Variants in LYPLAL1 observed in about 807,000 individuals in gnomAD.
The protein encoded by LYPLAL1 is lysophospholipase-like protein 1.
LYPLAL1 carries 23 observed loss-of-function variants against 19.7 expected under a neutral mutation model. The ratio of observed to expected loss-of-function variants is 1.17; its 90% CI spans 0.84 to 1.65. The LOEUF (loss-of-function observed/expected upper bound fraction) is 1.65. Ranked by LOEUF, LYPLAL1 falls within the 40% of genes most tolerant of loss-of-function variation. The pLI is 0.00. For synonymous variants in LYPLAL1, 119 were observed against 96.3 expected, an observed-to-expected ratio of 1.24 and a Z score of -1.38; for missense variants, 355 against 279.4, an observed-to-expected ratio of 1.27 and a Z score of -1.93.
At chr1:219,441,750 C>T in the LYPLAL1 span, among the ~76,000 whole-genome samples, 1 of 152,146 alleles carries the variant, frequency 6.6e-6, no homozygotes, top group Admixed American at 6.6e-5. Context: ...GAGCCACTGC[C>T]AGAGAGCACA....
the LYPLAL1 span, among the ~76,000 whole-genome samples, chr1:219,245,206 TTCCTTCCTTCCTTCCTTC>T: frequency 3.1e-4 from 47 of 149,536 alleles, no homozygotes; most frequent in Non-Finnish European, 6.2e-4. Context: ...CCTTCCTTCC[TTCCTTCCTTCCTTCCTTC>T]CTTCCTTCCT....
chr1:219,184,102 G>T (rs1656521185), intron 2 of LYPLAL1, among the ~76,000 whole-genome samples: 1 of 151,746 alleles, frequency 6.6e-6, no homozygotes, highest in African/African-American at 2.4e-5. Context: ...ACACCTGTTT[G>T]GATTTTGATT....
chr1:219,310,566 C>G, the LYPLAL1 span, among the ~76,000 whole-genome samples: 2 of 152,194 alleles, frequency 1.3e-5, no homozygotes, highest in African/African-American at 4.8e-5. Context: ...CCTTATCTCA[C>G]TTTGTCTAAG....
At chr1:219,242,688 A>G in the LYPLAL1 span, among the ~76,000 whole-genome samples, 27 of 151,638 alleles carry the variant, frequency 1.8e-4, no homozygotes, top group African/African-American at 6.5e-4. Context: ...AAGAATTACT[A>G]AAGAAAATAG....
chr1:219,310,500 AG>A, the LYPLAL1 span, among the ~76,000 whole-genome samples: 1 of 152,224 alleles, frequency 6.6e-6, no homozygotes, highest in East Asian at 1.9e-4. Flanking sequence ...CAAAAGATCA[AG>A]GCCTGTGAGT....
the LYPLAL1 span, among the ~76,000 whole-genome samples, chr1:219,366,824 C>G: frequency 2.0e-5 from 3 of 151,984 alleles, no homozygotes; most frequent in Non-Finnish European, 2.9e-5. Context: ...GTCCACTGCT[C>G]CACCACTGCG....
the LYPLAL1 span, among the ~76,000 whole-genome samples, chr1:219,337,557 G>A: frequency 6.6e-6 from 1 of 151,944 alleles, no homozygotes; most frequent in Non-Finnish European, 1.5e-5. Flanking sequence ...GCTATGGGCT[G>A]GTGTACTTCA....
At chr1:219,345,300 A>G in the LYPLAL1 span, among the ~76,000 whole-genome samples, 5 of 152,208 alleles carry the variant, frequency 3.3e-5, no homozygotes, top group African/African-American at 4.8e-5. Context: ...ACTTCCACAG[A>G]GTAGATGTCC....
At chr1:219,191,232 T>A (rs1228569301) in intron 2 of LYPLAL1, among the ~76,000 whole-genome samples, 1 of 151,610 alleles carries the variant, frequency 6.6e-6, no homozygotes, top group African/African-American at 2.4e-5. Flanking sequence ...ATTGTACCTT[T>A]TAATCCAACC....
chr1:219,440,022 C>CATATATATAT, the LYPLAL1 span, among the ~76,000 whole-genome samples: 5 of 128,850 alleles, frequency 3.9e-5, no homozygotes, highest in East Asian at 2.3e-4. Flanking sequence ...TACACACACA[C>CATATATATAT]ACATATATAT....
chr1:219,403,430 G>A, the LYPLAL1 span, among the ~76,000 whole-genome samples: 3 of 152,180 alleles, frequency 2.0e-5, no homozygotes, highest in Non-Finnish European at 4.4e-5. Context: ...TCTGAACGCT[G>A]AGTATAATTT....
chr1:219,214,435 T>C (rs1252072067), downstream of LYPLAL1, among the ~76,000 whole-genome samples: 1 of 152,144 alleles, frequency 6.6e-6, no homozygotes, highest in Non-Finnish European at 1.5e-5. Context: ...GGATAAATTA[T>C]ATAGTATTGC....
chr1:219,418,640 C>A, the LYPLAL1 span, among the ~76,000 whole-genome samples: 2 of 152,200 alleles, frequency 1.3e-5, no homozygotes, highest in Admixed American at 1.3e-4. Context: ...CTGCATTGAT[C>A]CATCAATATC....
At chr1:219,379,384 C>T in the LYPLAL1 span, among the ~76,000 whole-genome samples, 681 of 152,302 alleles carry the variant, frequency 4.5e-3, 3 homozygotes, top group Non-Finnish European at 7.7e-3. Context: ...TACATTGTCC[C>T]AGTGTGGGAG....
the LYPLAL1 span, among the ~76,000 whole-genome samples, chr1:219,415,455 A>G: frequency 3.2e-4 from 48 of 152,352 alleles, no homozygotes; most frequent in South Asian, 9.3e-3. Context: ...AATATCATCA[A>G]TCACCATCAC....
the LYPLAL1 span, among the ~76,000 whole-genome samples, chr1:219,291,239 AAT>A: frequency 6.6e-6 from 1 of 152,322 alleles, no homozygotes; most frequent in South Asian, 2.1e-4. Context: ...ATAAATTCTC[AAT>A]ATGTTACATA....
chr1:219,388,384 A>G, the LYPLAL1 span, among the ~76,000 whole-genome samples: 6 of 152,038 alleles, frequency 3.9e-5, no homozygotes, highest in Non-Finnish European at 4.4e-5. Context: ...TTCCTTGTAC[A>G]CTTATTCCTC....
the LYPLAL1 span, among the ~76,000 whole-genome samples, chr1:219,286,384 A>G: frequency 1.3e-5 from 2 of 152,188 alleles, no homozygotes; most frequent in African/African-American, 4.8e-5. Flanking sequence ...AAAACAAACA[A>G]TCTATCATCC....
chr1:219,387,595 C>T, the LYPLAL1 span, among the ~76,000 whole-genome samples: 1 of 152,220 alleles, frequency 6.6e-6, no homozygotes, highest in Admixed American at 6.5e-5. Flanking sequence ...GTTCATCCAA[C>T]ATAGAGATAA....
Sources: gnomAD v4.1 joint callset for allele counts (sites outside exome capture counted in the v4.1 genomes callset) on GRCh38, gnomAD v4.1.1 for gene constraint, MANE v1.5 for transcripts, NCBI Gene and HGNC (gene_info 2026-07-23, HGNC 2026-07-21) for gene names.